Variants in KCNH1 observed in about 807,000 individuals in gnomAD.
The protein encoded by KCNH1 is voltage-gated delayed rectifier potassium channel KCNH1.
Under a neutral mutation model 69.2 loss-of-function variants are expected in KCNH1, and 27 were observed. That is an observed-to-expected ratio of 0.39 (90% CI 0.29 to 0.54). KCNH1 has a LOEUF of 0.54. KCNH1 is among the 20% of genes least tolerant of loss of function. The pLI is 0.68. For missense variants in KCNH1, 798 were observed against 1,261.6 expected (o/e 0.63, Z 5.57); for synonymous variants, 456 against 487.7 (o/e 0.93, Z 0.86).
chr1:210,811,172 T>C (rs1684693752), intron 7 of KCNH1, among the ~76,000 whole-genome samples: 1 of 152,178 alleles, frequency 6.6e-6, no homozygotes, highest in African/African-American at 2.4e-5. Context: ...TGTCCCCCAG[T>C]CCAGAGACTA....
chr1:211,006,689 A>G (rs1401662273), intron 6 of KCNH1, among the ~76,000 whole-genome samples: 1 of 152,222 alleles, frequency 6.6e-6, no homozygotes, highest in Non-Finnish European at 1.5e-5. Flanking sequence ...AAAAGAAATA[A>G]TCAGAACTGT....
intron 5 of KCNH1, among the ~76,000 whole-genome samples, chr1:211,028,021 C>G (rs759400267): frequency 6.6e-6 from 1 of 152,130 alleles, no homozygotes; most frequent in South Asian, 2.1e-4. Flanking sequence ...CTCTCCCCAA[C>G]AGGAGCAAAA....
chr1:210,704,282 G>C (rs776812168), intron 10 of KCNH1, among the ~76,000 whole-genome samples: 2 of 152,120 alleles, frequency 1.3e-5, no homozygotes, highest in Non-Finnish European at 2.9e-5. Context: ...CCATTTCAGC[G>C]TTTAGGTTAT....
At chr1:211,074,109 A>AC (rs1690692843) in intron 5 of KCNH1, among the ~76,000 whole-genome samples, 1 of 150,912 alleles carries the variant, frequency 6.6e-6, no homozygotes, top group Non-Finnish European at 1.5e-5. Context: ...AAAAAAAAAA[A>AC]AAAAAAAACC....
intron 5 of KCNH1, among the ~76,000 whole-genome samples, chr1:211,045,041 G>GATATGTAGATATATATATATATATATAT (rs1553374042): frequency 3.7e-5 from 3 of 81,718 alleles, no homozygotes; most frequent in African/African-American, 1.3e-4. Context: ...AATTGTGGGG[G>GATATGTAGATATATATATATATATATAT]ATATATATAT....
At chr1:210,945,689 T>A (rs1558535779) in intron 6 of KCNH1, among the ~76,000 whole-genome samples, 1 of 152,190 alleles carries the variant, frequency 6.6e-6, no homozygotes, top group East Asian at 1.9e-4. Context: ...CACTCCCACG[T>A]AGTCACAGAG....
intron 6 of KCNH1, among the ~76,000 whole-genome samples, chr1:210,941,767 T>C (rs12124842): frequency 0.044 from 6,719 of 152,204 alleles, 251 homozygotes; most frequent in East Asian, 0.18. Flanking sequence ...AGAGGACTCA[T>C]AGGGAAACAG....
chr1:211,088,317 G>T (rs1018958819), intron 4 of KCNH1, among the ~76,000 whole-genome samples: 1 of 152,100 alleles, frequency 6.6e-6, no homozygotes, highest in Non-Finnish European at 1.5e-5. Flanking sequence ...AACCCAGCTG[G>T]TCTCCTGGAA....
chr1:211,018,643 G>C (rs1448288101), intron 6 of KCNH1, 140 bp downstream of exon 6: 1 of 712,118 alleles, frequency 1.4e-6, no homozygotes, highest in Non-Finnish European at 2.3e-6. Context: ...AGCAGGCAAG[G>C]GTATCTATCA....
intron 10 of KCNH1, among the ~76,000 whole-genome samples, chr1:210,743,657 CAA>C: frequency 6.6e-6 from 1 of 152,266 alleles, no homozygotes; most frequent in East Asian, 1.9e-4. Context: ...GCCTGCCTAT[CAA>C]GAGAAATCTT....
At chr1:211,125,337 C>T (rs1374605241) in intron 1 of KCNH1, among the ~76,000 whole-genome samples, 9 of 152,160 alleles carry the variant, frequency 5.9e-5, no homozygotes, top group Admixed American at 5.9e-4. Flanking sequence ...AGAAACTATT[C>T]AGTACCTTGG....
At chr1:210,891,430 A>C (rs1433691769) in intron 7 of KCNH1, among the ~76,000 whole-genome samples, 1 of 152,024 alleles carries the variant, frequency 6.6e-6, no homozygotes, top group Non-Finnish European at 1.5e-5. Context: ...TAGGAGAAAT[A>C]CCTTATGTAA....
intron 5 of KCNH1, among the ~76,000 whole-genome samples, chr1:211,070,675 G>T (rs944324559): frequency 1.3e-5 from 2 of 151,458 alleles, no homozygotes; most frequent in Non-Finnish European, 1.5e-5. Flanking sequence ...AATACAAAAA[G>T]TAGCCAGGCA....
intron 6 of KCNH1, among the ~76,000 whole-genome samples, chr1:211,010,689 C>G (rs1050806175): frequency 1.3e-5 from 2 of 152,186 alleles, no homozygotes; most frequent in African/African-American, 4.8e-5. Flanking sequence ...ACACCTTGAA[C>G]TGACCCCTAG....
At chr1:210,957,536 T>A (rs1351799168) in intron 6 of KCNH1, among the ~76,000 whole-genome samples, 1 of 152,134 alleles carries the variant, frequency 6.6e-6, no homozygotes, top group Non-Finnish European at 1.5e-5. Flanking sequence ...CCATTATTAT[T>A]GTGTGGGAGC....
intron 5 of KCNH1, among the ~76,000 whole-genome samples, chr1:211,025,286 A>C (rs1042244003): frequency 6.6e-6 from 1 of 152,198 alleles, no homozygotes; most frequent in Non-Finnish European, 1.5e-5. Context: ...AGGTAAGATT[A>C]GCTGAATACC....
At chr1:210,802,801 G>A (rs985730733) in intron 8 of KCNH1, among the ~76,000 whole-genome samples, 1 of 152,170 alleles carries the variant, frequency 6.6e-6, no homozygotes, top group African/African-American at 2.4e-5. Context: ...CTTGATCACT[G>A]TTTCCTGGAC....
chr1:210,864,828 A>T (rs567583891), intron 7 of KCNH1, among the ~76,000 whole-genome samples: 2 of 152,308 alleles, frequency 1.3e-5, no homozygotes, highest in African/African-American at 4.8e-5. Flanking sequence ...GACTGGGATG[A>T]CTTAGTTGGA....
chr1:210,823,878 C>T (rs1328845131), intron 7 of KCNH1, among the ~76,000 whole-genome samples: 2 of 152,132 alleles, frequency 1.3e-5, no homozygotes, highest in Non-Finnish European at 2.9e-5. Context: ...TCACACCTCT[C>T]CCCTGTCTCC....
Sources: gnomAD v4.1 joint callset for allele counts (sites outside exome capture counted in the v4.1 genomes callset) on GRCh38, gnomAD v4.1.1 for gene constraint, MANE v1.5 for transcripts, NCBI Gene and HGNC (gene_info 2026-07-23, HGNC 2026-07-21) for gene names.